Variants in LRP5 observed in about 807,000 individuals in gnomAD.
LRP5 encodes LDL receptor related protein 5.
Under a neutral mutation model 154.1 loss-of-function variants are expected in LRP5, and 62 were observed. That is an observed-to-expected ratio of 0.40 (90% CI 0.33 to 0.50). The LOEUF is 0.50. Ranked by LOEUF, LRP5 falls within the 20% of genes least tolerant of loss-of-function variation. The pLI is 0.55. For missense variants in LRP5, 1,915 were observed against 2,336.7 expected, an observed-to-expected ratio of 0.82 and a Z score of 3.72; for synonymous variants, 966 against 1,011.5, an observed-to-expected ratio of 0.96 and a Z score of 0.85.
At chr11:68,436,397 T>A (rs2098674950) in intron 18 of LRP5, among the ~76,000 whole-genome samples, 1 of 152,046 alleles carries the variant, frequency 6.6e-6, no homozygotes, top group African/African-American at 2.4e-5. Flanking sequence ...CCAGAGACTG[T>A]GGCCTTGTGC....
intron 9 of LRP5, 49 bp downstream of exon 9, chr11:68,406,862 T>C: frequency 1.3e-6 from 2 of 1,594,152 alleles, no homozygotes; most frequent in Non-Finnish European, 8.6e-7. Flanking sequence ...GGGAAAACCT[T>C]GCCTCTGTTC....
intron 2 of LRP5, among the ~76,000 whole-genome samples, chr11:68,356,870 C>T (rs985034588): frequency 6.6e-6 from 1 of 152,086 alleles, no homozygotes; most frequent in Non-Finnish European, 1.5e-5. Context: ...TTGGCTCTTT[C>T]ACCTACTAAC....
rs57069059 is a variant in LRP5 at position 68,409,051 on chromosome 11, GAAAAAAA to G, written c.2092-846_2092-840del. Among the ~76,000 whole-genome samples the G allele has an allele frequency of 4.7e-3, 242 of 51,410 alleles. 30 individuals carry two copies. The highest frequency in any genetic ancestry group is 9.2e-3 in the African/African-American group (101 of 11,000). The allele number at this position is 51,410 out of a possible 152,430, so 33.7% of individuals were successfully genotyped here. A position where few individuals can be genotyped will look rare whatever the true frequency, so the allele number is the denominator to read the frequency against. On this transcript the variant is annotated intron_variant, in intron 9 of 22. Coordinates refer to ENST00000294304, the MANE Select transcript of LRP5 (RefSeq NM_002335.4). Reference sequence around the variant, plus strand: ...AGCGACAGAGCAAGACTTATCTGGGGAAAAAAAAAAAAAAAAAAAAAAATATATATAT... The same window carrying G: ...AGCGACAGAGCAAGACTTATCTGGGGAAAAAAAAAAAAAAAATATATATAT...
intron 20 of LRP5, among the ~76,000 whole-genome samples, chr11:68,439,003 G>C (rs2098676633): frequency 6.6e-6 from 1 of 152,190 alleles, no homozygotes. Context: ...ATGAATGTGG[G>C]GGCGGCTGGG....
Position 68,411,589 on chromosome 11 carries a change from C to T in LRP5, c.2472C>T (p.Asp824=). 1 of 1,613,212 alleles carries T rather than the reference C, an allele frequency of 6.2e-7. No individual in the cohort carries two copies. The highest frequency in any genetic ancestry group is 8.5e-7 in the Non-Finnish European group (1 of 1,179,884). The change falls in exon 11 of 23, where the codon GAC becomes GAT. Residue 824 remains aspartate, a synonymous_variant. Transcript: ENST00000294304. ...ADQRLYWTDL[D]TNMIESSNML... The stretch of plus-strand genomic sequence containing the variant: ...AGCGCCTCTACTGGACCGACCTGGA[C>T]ACCAACATGATCGAGTCGTCCAACA...
chr11:68,361,197 C>T lies in LRP5; in HGVS notation c.687-2550C>T, dbSNP rs1354301914. ...GTGGGCACCTGTAGTCCCAGCTACTCGGGAGGCTGAGGCAGGAGAATGGCG... is the reference window on the plus strand; with the variant it reads ...GTGGGCACCTGTAGTCCCAGCTACTTGGGAGGCTGAGGCAGGAGAATGGCG... On this transcript the variant is annotated intron_variant, in intron 3 of 22. Coordinates refer to ENST00000294304, the MANE Select transcript of LRP5 (RefSeq NM_002335.4). Among the ~76,000 whole-genome samples the T allele has an allele frequency of 2.7e-4, 39 of 146,734 alleles. No homozygotes were observed. The East Asian group carries it at 4.2e-3, about 16-fold the overall frequency.
chr11:68,300,439 G>A, the LRP5 span, among the ~76,000 whole-genome samples: 4 of 149,370 alleles, frequency 2.7e-5, no homozygotes, highest in African/African-American at 9.7e-5. Flanking sequence ...GGGCATTAAG[G>A]TGGGACATTC....
In LRP5 at chr11:68,413,951, C is replaced by A. The variant is rs139372523; in HGVS notation, c.2766C>A (p.Gly922=). 1.2e-6 allele frequency: 2 copies of A among 1,609,074 alleles called. No individual in the cohort carries two copies. Among genetic ancestry groups the A allele is most frequent in the East Asian group, 2.2e-5 (1 of 44,884 alleles). ...QCGQLCLAIP[G]GHRCGCASHY... is the part of the protein sequence containing the mutation. Reference sequence around the variant, plus strand: ...GGCAGCTGTGCCTTGCCATCCCCGGCGGCCACCGCTGCGGCTGCGCCTCAC... The same window carrying A: ...GGCAGCTGTGCCTTGCCATCCCCGGAGGCCACCGCTGCGGCTGCGCCTCAC... The change falls in exon 12 of 23, where the codon GGC becomes GGA. Residue 922 remains glycine (G), a synonymous_variant. Transcript: ENST00000294304. The surrounding 1 kb of genome is among the most constrained non-coding windows in gnomAD (Gnocchi z 5.1).
At chr11:68,429,089 T>C (rs1257626017) in intron 16 of LRP5, among the ~76,000 whole-genome samples, 2 of 143,674 alleles carry the variant, frequency 1.4e-5, no homozygotes, top group African/African-American at 2.6e-5. Context: ...AGAGCAAGAC[T>C]CTGTCTCAAA....
chr11:68,378,120 CG>C (rs1357408492), intron 5 of LRP5, among the ~76,000 whole-genome samples: 2 of 152,048 alleles, frequency 1.3e-5, no homozygotes, highest in Non-Finnish European at 2.9e-5. Context: ...TGGAGGTGTC[CG>C]GGGCTGCCCT....
chr11:68,433,465 G>C, intron 17 of LRP5, 137 bp from the exon 18 acceptor site: 1 of 797,886 alleles, frequency 1.3e-6, no homozygotes, highest in Non-Finnish European at 2.2e-6. Flanking sequence ...GGATGTGCGG[G>C]TGCAGCACCC....
Position 68,375,538 on chromosome 11 carries a change from A to G in LRP5, c.1015+9836A>G, listed in dbSNP as rs958989587. On this transcript the variant is annotated intron_variant, in intron 5 of 22. Transcript: ENST00000294304. ...CCCTCCATCCAGACCCCACTCCTGC[A>G]CACGGCTCCTCCGCCCGTGCGCAGC... 1.3e-3 allele frequency among the ~76,000 whole-genome samples: 192 copies of G among 151,548 alleles called. 1 individual carries two copies. The highest frequency in any genetic ancestry group is 2.1e-3 in the Non-Finnish European group (146 of 67,908).
At chr11:68,412,694 G>T (rs2098660297) in intron 11 of LRP5, among the ~76,000 whole-genome samples, 1 of 151,938 alleles carries the variant, frequency 6.6e-6, no homozygotes, top group Non-Finnish European at 1.5e-5. Flanking sequence ...CAAGTCCCCA[G>T]GCACCCCTTG....
chr11:68,300,563 T>C, the LRP5 span, among the ~76,000 whole-genome samples: 7 of 149,690 alleles, frequency 4.7e-5, no homozygotes, highest in Admixed American at 4.7e-4. Context: ...CCAGGGGATA[T>C]GCCCTCAGCA....
At chr11:68,318,916 C>G (rs1388626028) in intron 1 of LRP5, among the ~76,000 whole-genome samples, 1 of 152,146 alleles carries the variant, frequency 6.6e-6, no homozygotes, top group Non-Finnish European at 1.5e-5. Flanking sequence ...AAAATAGAAC[C>G]AGCTGATTCC....
chr11:68,313,197 C>T (rs1271071558), intron 1 of LRP5, among the ~76,000 whole-genome samples: 1 of 150,714 alleles, frequency 6.6e-6, no homozygotes, highest in Non-Finnish European at 1.5e-5. Flanking sequence ...CCCGGGGAGC[C>T]GGTTCGCAAG....
intron 6 of LRP5, 22 bp from the exon 7 acceptor site, chr11:68,389,859 T>C (rs778965081): frequency 6.2e-7 from 1 of 1,614,180 alleles, no homozygotes; most frequent in Non-Finnish European, 8.5e-7. Context: ...CATGGGGTCA[T>C]GGACTTCTGC....
At chr11:68,384,491 G>C (rs1290521303) in intron 5 of LRP5, among the ~76,000 whole-genome samples, 2 of 152,290 alleles carry the variant, frequency 1.3e-5, no homozygotes, top group Admixed American at 1.3e-4. Context: ...CTTGAGACCA[G>C]AAAGGTCTGG....
chr11:68,367,410 T>C (rs1177721072), intron 5 of LRP5, among the ~76,000 whole-genome samples: 1 of 152,150 alleles, frequency 6.6e-6, no homozygotes, highest in Non-Finnish European at 1.5e-5. Context: ...GCCCCATACC[T>C]GGGCCCTGGT....
Sources: gnomAD v4.1 joint callset for allele counts (sites outside exome capture counted in the v4.1 genomes callset) on GRCh38, gnomAD v4.1.1 for gene constraint, Gnocchi (gnomAD v3.1) non-coding constraint, MANE v1.5 for transcripts, NCBI Gene and HGNC (gene_info 2026-07-23, HGNC 2026-07-21) for gene names.